Variants in RAB11FIP3 observed in about 807,000 individuals in gnomAD.
RAB11FIP3 encodes RAB11 family interacting protein 3.
In RAB11FIP3, 17 loss-of-function variants were observed where a neutral mutation model predicts 77.8. The observed-to-expected ratio is 0.22, with a 90% CI of 0.15 to 0.33. RAB11FIP3 has a LOEUF of 0.33. Ranked by LOEUF, RAB11FIP3 falls within the 10% of genes least tolerant of loss-of-function variation. RAB11FIP3 has a pLI of 1.00. For missense variants in RAB11FIP3, 1,005 were observed against 1,011.2 expected (o/e 0.99, Z 0.08); for synonymous variants, 437 against 448.2 (o/e 0.98, Z 0.31).
intron 4 of RAB11FIP3, among the ~76,000 whole-genome samples, chr16:485,854 A>G (rs2056143895): frequency 6.6e-6 from 1 of 152,162 alleles, no homozygotes; most frequent in Non-Finnish European, 1.5e-5. Context: ...TAAAAGTGTT[A>G]TTGTTTTACC....
chr16:509,124 G>A lies in RAB11FIP3; in HGVS notation c.1500-1536G>A, dbSNP rs1282307328. Among the ~76,000 whole-genome samples, 5 of 152,134 alleles carry A rather than the reference G, an allele frequency of 3.3e-5. No homozygotes were observed. In the East Asian group the frequency reaches 7.7e-4, roughly 24 times the overall value. On this transcript the variant is annotated intron_variant, in intron 8 of 13. Coordinates refer to ENST00000262305, the MANE Select transcript of RAB11FIP3 (RefSeq NM_014700.4). ...TCACCATATTGGTCAGGCTGGTCTC[G>A]AACTCCTGATCTCAGGTGATCTGCC...
chr16:496,417 C>T (rs944084113), intron 5 of RAB11FIP3, among the ~76,000 whole-genome samples: 2 of 152,256 alleles, frequency 1.3e-5, no homozygotes, highest in Non-Finnish European at 2.9e-5. Flanking sequence ...TCGAAGCCAG[C>T]GGCAAACTCT....
At chr16:490,798 G>T (rs1237104094) in intron 5 of RAB11FIP3, among the ~76,000 whole-genome samples, 1 of 152,230 alleles carries the variant, frequency 6.6e-6, no homozygotes, top group Non-Finnish European at 1.5e-5. Context: ...AAGCAGTATG[G>T]TTTTTTACCT....
In RAB11FIP3 at chr16:482,547, C is replaced by T; in HGVS notation, c.926C>T (p.Ala309Val). ...TYEANEVTDS[A>V]YMGSESTYSE... ...TAGGCCAACGAGGTGACGGACAGCGCGTACATGGGCTCCGAGAGCACCTAC... is the reference window on the plus strand; with the variant it reads ...TAGGCCAACGAGGTGACGGACAGCGTGTACATGGGCTCCGAGAGCACCTAC... Residue 309 changes from alanine (A) to valine (V), a missense_variant, in exon 4 of 14, where the codon GCG becomes GTG. Physicochemically the swap from Ala to Val is moderately conservative, Grantham distance 64. Transcript: ENST00000262305. 1 of 1,613,548 alleles carries T rather than the reference C, an allele frequency of 6.2e-7. No homozygotes were observed. Among genetic ancestry groups the T allele is most frequent in the Non-Finnish European group, 8.5e-7 (1 of 1,180,020 alleles).
intron 3 of RAB11FIP3, among the ~76,000 whole-genome samples, chr16:477,085 CA>C (rs34127149): frequency 0.53 from 65,135 of 122,390 alleles, 18,187 homozygotes; most frequent in African/African-American, 0.77. Flanking sequence ...GACTCCGTCT[CA>C]AAAAAAAAAA....
chr16:482,695 G>A lies in RAB11FIP3; in HGVS notation c.1074G>A (p.Met358Ile). 1.2e-6 allele frequency: 2 copies of A among 1,611,446 alleles called. No individual in the cohort carries two copies. The highest frequency in any genetic ancestry group is 2.2e-5 in the East Asian group (1 of 44,808). ...TGCCCTCTGAGTGCCTGGACGCCATGGAGGAGCCCGACCATGGTGCCCTGC... is the reference window on the plus strand; with the variant it reads ...TGCCCTCTGAGTGCCTGGACGCCATAGAGGAGCCCGACCATGGTGCCCTGC... ...SAVPSECLDAMEEPDHGALLL... is the reference protein window; with the variant it reads ...SAVPSECLDAIEEPDHGALLL... Residue 358 changes from methionine to isoleucine, a missense_variant, in exon 4 of 14, where the codon ATG becomes ATA. By Grantham distance (10) the Met-to-Ile change is conservative (BLOSUM62 1). This residue lies in a region of RAB11FIP3 where 433 missense variants were observed against 436.1 expected (regional missense o/e 0.99). Coordinates refer to ENST00000262305, the MANE Select transcript of RAB11FIP3 (RefSeq NM_014700.4).
At position 519,735 on chromosome 16, in the gene RAB11FIP3, C is replaced by T. The variant is rs1428377440; in HGVS notation, c.1723-19C>T. 2 of 1,610,248 alleles carry T rather than the reference C, an allele frequency of 1.2e-6. No individual in the cohort carries two copies. Among genetic ancestry groups the T allele is most frequent in the Admixed American group, 3.3e-5 (2 of 59,862 alleles). ...GTAGGTGCGTGACCCGCATCCAGGG[C>T]AGGTGTCCACCCCTGCAGGAGAAGC... is the stretch of plus-strand genomic sequence containing the variant. On this transcript the variant is annotated intron_variant, in intron 10 of 13. Transcript: ENST00000262305.
Position 482,417 on chromosome 16 carries a change from C to T in RAB11FIP3, c.904-108C>T, listed in dbSNP as rs747652244. 3.9e-6 allele frequency: 4 copies of T among 1,028,328 alleles called. No individual in the cohort carries two copies. In the East Asian group the frequency reaches 9.6e-5, roughly 25 times the overall value. The allele number at this position is 1,028,328 out of a possible 1,614,324, so 63.7% of individuals were successfully genotyped here. A position where few individuals can be genotyped will look rare whatever the true frequency, so the allele number is the denominator to read the frequency against. On this transcript the variant is annotated intron_variant, in intron 3 of 13. Transcript: ENST00000262305. The stretch of plus-strand genomic sequence containing the variant: ...ACAGTTGGGACTTCAGGCGTCAGAC[C>T]CCTCCCTCCACACTGCCCTCTCCAG...
Position 499,162 on chromosome 16 carries a change from A to C in RAB11FIP3, c.1301+2303A>C, listed in dbSNP as rs564034639. Among the ~76,000 whole-genome samples the C allele has an allele frequency of 2.6e-5, 4 of 152,266 alleles. No individual in the cohort carries two copies. In the South Asian group the frequency reaches 8.3e-4, roughly 32 times the overall value. ...TGGAGGCGGAGCTTGGAGTGAGCCG[A>C]GATTGTGCCATTGTACTCCAGCCTG... On this transcript the variant is annotated intron_variant, in intron 6 of 13. Coordinates refer to ENST00000262305, the MANE Select transcript of RAB11FIP3 (RefSeq NM_014700.4).
intron 1 of RAB11FIP3, among the ~76,000 whole-genome samples, chr16:455,819 G>A (rs1257847838): frequency 2.6e-5 from 4 of 152,224 alleles, no homozygotes; most frequent in African/African-American, 9.6e-5. Context: ...TGGAACTCTT[G>A]GGCTCAAGTG....
At chr16:457,065 A>G (rs950551721) in intron 1 of RAB11FIP3, among the ~76,000 whole-genome samples, 3 of 152,060 alleles carry the variant, frequency 2.0e-5, no homozygotes, top group African/African-American at 7.2e-5. Context: ...GTGGTTTCTG[A>G]TAAGATAAGC....
chr16:489,124 G>A, intron 5 of RAB11FIP3, 124 bp downstream of exon 5: 3 of 1,200,022 alleles, frequency 2.5e-6, no homozygotes, highest in Non-Finnish European at 3.4e-6. Context: ...ATGTGATTAA[G>A]TAAACCATAT....
Position 482,609 on chromosome 16 carries a change from A to C in RAB11FIP3, c.988A>C (p.Thr330Pro), listed in dbSNP as rs1217550762. 1 of 1,613,392 alleles carries C rather than the reference A, an allele frequency of 6.2e-7. No homozygotes were observed. The highest frequency in any genetic ancestry group is 8.5e-7 in the Non-Finnish European group (1 of 1,180,040). ...CETFTDEDTS[T>P]LVHPELQPEG... ...GACCTTCACGGACGAGGACACCAGC[A>C]CCCTGGTGCACCCTGAGCTGCAACC... The change falls in exon 4 of 14, where the codon ACC (threonine) becomes CCC (proline). Residue 330 changes from threonine (T) to proline (P), a missense_variant. By Grantham distance (38) the Thr-to-Pro change is conservative (BLOSUM62 -1). Around this residue, in one of 4 missense-constraint regions of RAB11FIP3, gnomAD observed 433 missense variants for 436.1 expected, o/e 0.99. Coordinates refer to ENST00000262305, the MANE Select transcript of RAB11FIP3 (RefSeq NM_014700.4).
chr16:475,294 G>A (rs527482546), intron 3 of RAB11FIP3, among the ~76,000 whole-genome samples: 3 of 152,348 alleles, frequency 2.0e-5, no homozygotes, highest in South Asian at 2.1e-4. Flanking sequence ...TCAACATAGC[G>A]ACGTTTTCCA....
intron 5 of RAB11FIP3, chr16:491,161 C>G (rs1282702063): frequency 7.7e-7 from 1 of 1,303,730 alleles, no homozygotes; most frequent in East Asian, 5.6e-5. Flanking sequence ...CAAAGCTGCA[C>G]AGCATCCTCA....
chr16:498,416 C>G (rs2031295903), intron 6 of RAB11FIP3, among the ~76,000 whole-genome samples: 1 of 152,208 alleles, frequency 6.6e-6, no homozygotes, highest in Non-Finnish European at 1.5e-5. Flanking sequence ...CTGAAGGGAT[C>G]CTCCCACCTT....
In RAB11FIP3 at chr16:471,805, G is replaced by C. The variant is rs2055814521; in HGVS notation, c.903+416G>C. Among the ~76,000 whole-genome samples the C allele has an allele frequency of 1.3e-5, 2 of 152,186 alleles. No homozygotes were observed. Among genetic ancestry groups the C allele is most frequent in the Non-Finnish European group, 2.9e-5 (2 of 68,028 alleles). On this transcript the variant is annotated intron_variant, in intron 3 of 13. Coordinates refer to ENST00000262305, the MANE Select transcript of RAB11FIP3 (RefSeq NM_014700.4). This position sits in a 1 kb window ranked among gnomAD's most constrained non-coding sequence, Gnocchi z 4.4. ...TCCACCCTGCTCCCAGATGCAGCCA[G>C]GGTTGTCATGGTGACGTGGCGTCTC...
At chr16:463,430 G>GT (rs142875972) in intron 2 of RAB11FIP3, among the ~76,000 whole-genome samples, 1,301 of 82,216 alleles carry the variant, frequency 0.016, 10 homozygotes, top group South Asian at 0.024. Flanking sequence ...TTGTTCCCCG[G>GT]TTTTTTTTTT....
rs770045855 is a variant in RAB11FIP3, at chr16:519,880, G to A, written c.1849G>A (p.Ala617Thr). 2.3e-5 allele frequency: 36 copies of A among 1,588,816 alleles called. No homozygotes were observed. Among genetic ancestry groups the A allele is most frequent in the Non-Finnish European group, 3.1e-5 (36 of 1,167,860 alleles). Residue 617 changes from alanine to threonine, a missense_variant, in exon 11 of 14, where the codon GCC becomes ACC. Ala to Thr is a moderately conservative substitution (Grantham distance 58). Transcript: ENST00000262305. ...ERHQFQRDKE[A>T]TQELIEDLRK... ...GCACCAGTTCCAGAGGGACAAGGAG[G>A]CCACCCAGGAGGTGAGCACCCACCC...
Sources: gnomAD v4.1 joint callset for allele counts (sites outside exome capture counted in the v4.1 genomes callset) on GRCh38, gnomAD v4.1.1 for gene constraint, gnomAD v4.1.1 regional missense constraint, Gnocchi (gnomAD v3.1) non-coding constraint, MANE v1.5 for transcripts, NCBI Gene and HGNC (gene_info 2026-07-23, HGNC 2026-07-21) for gene names.